RPS6KC1: variants seen among roughly 807,000 people sequenced by gnomAD.
RPS6KC1 encodes the protein ribosomal protein S6 kinase C1, also known as inactive ribosomal protein S6 kinase delta-1.
Under a neutral mutation model 103.8 loss-of-function variants are expected in RPS6KC1, and 54 were observed. The ratio of observed to expected loss-of-function variants is 0.52; its 90% CI spans 0.42 to 0.65. The LOEUF (loss-of-function observed/expected upper bound fraction) is 0.65. Among genes scored for constraint, RPS6KC1 ranks in the 30% least tolerant of loss-of-function variants. The pLI is 0.00. For missense variants in RPS6KC1, 1,151 were observed against 1,253.8 expected (o/e 0.92, Z 1.24); for synonymous variants, 439 against 438.7 (o/e 1.00, Z -0.01).
chr1:213,514,405 G>A, the RPS6KC1 span, among the ~76,000 whole-genome samples: 5 of 115,442 alleles, frequency 4.3e-5, no homozygotes, highest in South Asian at 8.2e-4. Flanking sequence ...AACAGGCCCC[G>A]GTGTGTGATG....
chr1:213,462,632 T>A, the RPS6KC1 span, among the ~76,000 whole-genome samples: 1 of 152,314 alleles, frequency 6.6e-6, no homozygotes, highest in African/African-American at 2.4e-5. Context: ...GAAACCATCA[T>A]TCTCAGCAAA....
At chr1:213,861,302 C>T in the RPS6KC1 span, among the ~76,000 whole-genome samples, 1 of 152,124 alleles carries the variant, frequency 6.6e-6, no homozygotes, top group Non-Finnish European at 1.5e-5. Flanking sequence ...GCTAAACAAA[C>T]TCCCCAAATG....
At chr1:213,756,071 C>T in the RPS6KC1 span, among the ~76,000 whole-genome samples, 4 of 152,220 alleles carry the variant, frequency 2.6e-5, no homozygotes, top group Admixed American at 2.6e-4. Context: ...CTGCAAGGCC[C>T]TAAGGCTGTG....
the RPS6KC1 span, among the ~76,000 whole-genome samples, chr1:213,517,194 AT>A: frequency 0.67 from 101,431 of 151,656 alleles, 35,414 homozygotes; most frequent in East Asian, 0.99. Flanking sequence ...GGATTCATTG[AT>A]TTTTTTGAAG....
chr1:213,628,366 A>G, the RPS6KC1 span, among the ~76,000 whole-genome samples: 1 of 152,078 alleles, frequency 6.6e-6, no homozygotes, highest in Admixed American at 6.6e-5. Flanking sequence ...TCTTTTCAAA[A>G]AACCAGCTCC....
chr1:213,616,196 T>A, the RPS6KC1 span, among the ~76,000 whole-genome samples: 1 of 152,208 alleles, frequency 6.6e-6, no homozygotes, highest in African/African-American at 2.4e-5. Context: ...AAGCTATTAG[T>A]GCACAGTACA....
At chr1:213,109,030 C>G (rs1361336180) in intron 4 of RPS6KC1, among the ~76,000 whole-genome samples, 1 of 152,128 alleles carries the variant, frequency 6.6e-6, no homozygotes, top group Non-Finnish European at 1.5e-5. Context: ...CCTCAGAATT[C>G]TGATTAGAAT....
the RPS6KC1 span, among the ~76,000 whole-genome samples, chr1:213,728,315 T>TC: frequency 6.6e-6 from 1 of 152,180 alleles, no homozygotes; most frequent in Non-Finnish European, 1.5e-5. Context: ...TATCAAACAA[T>TC]CCAAGTCCCA....
rs17020182 is a variant in RPS6KC1 at position 213,124,496 on chromosome 1, G to A, written c.473-5031G>A. Among the ~76,000 whole-genome samples the A allele has an allele frequency of 3.3e-3, 499 of 152,112 alleles. 5 individuals carry two copies. Among genetic ancestry groups the A allele is most frequent in the African/African-American group, 0.011 (469 of 41,506 alleles). ...TCTGGGCTTCAGGGAGCTAGTTTGC[G>A]TTTCGTATGATATTTATATATAGTT... On this transcript the variant is annotated intron_variant, in intron 5 of 14. Coordinates refer to ENST00000366960, the MANE Select transcript of RPS6KC1 (RefSeq NM_012424.6).
chr1:213,624,572 AGT>A, the RPS6KC1 span, among the ~76,000 whole-genome samples: 842 of 152,322 alleles, frequency 5.5e-3, 6 homozygotes, highest in African/African-American at 0.019. Flanking sequence ...CCAGCCTTTC[AGT>A]AGTGGCTAGT....
the RPS6KC1 span, among the ~76,000 whole-genome samples, chr1:213,425,756 C>G: frequency 1.3e-5 from 2 of 152,154 alleles, no homozygotes; most frequent in East Asian, 3.9e-4. Flanking sequence ...CCTTCCCCCG[C>G]CTGAATGTGT....
the RPS6KC1 span, among the ~76,000 whole-genome samples, chr1:213,709,472 C>T: frequency 6.6e-6 from 1 of 151,974 alleles, no homozygotes; most frequent in African/African-American, 2.4e-5. Context: ...AGTGTTCTAT[C>T]TATTTTCTTA....
the RPS6KC1 span, among the ~76,000 whole-genome samples, chr1:213,762,025 A>G: frequency 6.6e-6 from 1 of 151,836 alleles, no homozygotes; most frequent in East Asian, 1.9e-4. Flanking sequence ...GGTGGGAGAA[A>G]GGGAGAGGGA....
the RPS6KC1 span, among the ~76,000 whole-genome samples, chr1:213,802,408 G>T: frequency 6.6e-6 from 1 of 152,166 alleles, no homozygotes; most frequent in Non-Finnish European, 1.5e-5. Flanking sequence ...GCTATTATAG[G>T]CTATTTGATG....
the RPS6KC1 span, among the ~76,000 whole-genome samples, chr1:213,480,464 T>A: frequency 6.6e-6 from 1 of 151,844 alleles, no homozygotes; most frequent in East Asian, 1.9e-4. Context: ...TTTTGTGTGC[T>A]TATCATACAC....
chr1:213,315,253 A>G, the RPS6KC1 span, among the ~76,000 whole-genome samples: 2 of 152,244 alleles, frequency 1.3e-5, no homozygotes, highest in Non-Finnish European at 2.9e-5. Flanking sequence ...GTCGAATCCC[A>G]GGTGGACTTC....
intron 8 of RPS6KC1, among the ~76,000 whole-genome samples, chr1:213,186,837 A>G (rs146471149): frequency 4.5e-4 from 68 of 152,224 alleles, no homozygotes; most frequent in African/African-American, 1.6e-3. Context: ...CCTCTGCTTC[A>G]TTCATCTGCT....
At chr1:213,665,961 CT>C in the RPS6KC1 span, among the ~76,000 whole-genome samples, 7 of 152,254 alleles carry the variant, frequency 4.6e-5, no homozygotes, top group South Asian at 1.0e-3. Flanking sequence ...TATATAAAAA[CT>C]TTTAATAGAC....
the RPS6KC1 span, among the ~76,000 whole-genome samples, chr1:213,623,431 G>A: frequency 6.6e-6 from 1 of 152,130 alleles, no homozygotes; most frequent in African/African-American, 2.4e-5. Flanking sequence ...ACAAAACCCT[G>A]CCCTCGAGGG....
Sources: gnomAD v4.1 joint callset for allele counts (sites outside exome capture counted in the v4.1 genomes callset) on GRCh38, gnomAD v4.1.1 for gene constraint, MANE v1.5 for transcripts, NCBI Gene and HGNC (gene_info 2026-07-23, HGNC 2026-07-21) for gene names.